The following CCSER1 variants were observed in gnomAD, a reference collection of about 807,000 sequenced individuals.
The protein encoded by CCSER1 is serine-rich coiled-coil domain-containing protein 1.
Under a neutral mutation model 82.0 loss-of-function variants are expected in CCSER1, and 41 were observed. That is an observed-to-expected ratio of 0.50 (90% CI 0.39 to 0.65). CCSER1 has a LOEUF of 0.65. Among genes scored for constraint, CCSER1 ranks in the 30% least tolerant of loss-of-function variants. CCSER1 has a pLI of 0.00. For synonymous variants in CCSER1, 414 were observed against 383.9 expected (o/e 1.08, Z -0.92); for missense variants, 1,119 against 1,064.2 (o/e 1.05, Z -0.72).
intron 10 of CCSER1, among the ~76,000 whole-genome samples, chr4:91,418,303 T>TTAAAAA (rs377360118): frequency 1.8e-5 from 2 of 113,638 alleles, no homozygotes; most frequent in African/African-American, 3.6e-5. Flanking sequence ...ATTTTTTAAT[T>TTAAAAA]AAAAAAAAAA....
In CCSER1 at chr4:90,871,339, C is replaced by T. The variant is rs543701159; in HGVS notation, c.2095-52031C>T. ...TACATTTTTCTCTTAGTACTTCTTG[C>T]GCTGTATCCCATAGATGTTGGTATG... On this transcript the variant is annotated intron_variant, in intron 8 of 10. Transcript: ENST00000509176. 2.7e-4 allele frequency among the ~76,000 whole-genome samples: 41 copies of T among 151,718 alleles called. No homozygotes were observed. In the South Asian group the frequency reaches 6.4e-3, roughly 24 times the overall value.
At chr4:90,272,567 G>T (rs1038467907) in intron 1 of CCSER1, among the ~76,000 whole-genome samples, 4 of 152,064 alleles carry the variant, frequency 2.6e-5, no homozygotes, top group African/African-American at 9.7e-5. Flanking sequence ...GTATATTATT[G>T]AAATAAAAGA....
At position 90,862,303 on chromosome 4, in the gene CCSER1, A is replaced by G. The variant is rs142777958; in HGVS notation, c.2094+46458A>G. On this transcript the variant is annotated intron_variant, in intron 8 of 10. Coordinates refer to ENST00000509176, the MANE Select transcript of CCSER1 (RefSeq NM_001145065.2). ...CTGGTACTGTGTCCCCAAGACTAGTAAATAATTATGTACGTTAGAAACAAC... is the reference window on the plus strand; with the variant it reads ...CTGGTACTGTGTCCCCAAGACTAGTGAATAATTATGTACGTTAGAAACAAC... Among the ~76,000 whole-genome samples, 1,504 of 152,066 alleles carry G rather than the reference A, an allele frequency of 9.9e-3. 29 individuals carry two copies. The highest frequency in any genetic ancestry group is 0.035 in the African/African-American group (1,438 of 41,536).
rs376893596 is a variant in CCSER1 at position 90,665,948 on chromosome 4, T to C, written c.1932+37716T>C. 3.9e-5 allele frequency among the ~76,000 whole-genome samples: 6 copies of C among 152,282 alleles called. No individual in the cohort carries two copies. The South Asian group carries it at 1.2e-3, about 32-fold the overall frequency. On this transcript the variant is annotated intron_variant, in intron 6 of 10. Transcript: ENST00000509176. ...CTGTTTCCATGCTCATTCAGGTTGT[T>C]GGCATAATTCATTTCCTTGTTGCTG...
Position 91,529,040 on chromosome 4 carries a change from A to G in CCSER1, c.2218-69532A>G, listed in dbSNP as rs554254271. Among the ~76,000 whole-genome samples the G allele has an allele frequency of 2.4e-4, 37 of 152,246 alleles. No individual in the cohort carries two copies. The South Asian group carries it at 7.0e-3, about 29-fold the overall frequency. On this transcript the variant is annotated intron_variant, in intron 10 of 10. Transcript: ENST00000509176. Reference sequence around the variant, plus strand: ...TAAAATGTGACCAATTTTGTTTCTCAATGCTTTTGTTTCTCAGTGCTTTGC... The same window carrying G: ...TAAAATGTGACCAATTTTGTTTCTCGATGCTTTTGTTTCTCAGTGCTTTGC...
At chr4:90,706,333 C>T (rs1019437195) in intron 6 of CCSER1, among the ~76,000 whole-genome samples, 1 of 152,130 alleles carries the variant, frequency 6.6e-6, no homozygotes, top group Non-Finnish European at 1.5e-5. Flanking sequence ...GTAATCCCAG[C>T]ACTTTTGGAG....
chr4:90,876,356 G>A lies in CCSER1; in HGVS notation c.2095-47014G>A, dbSNP rs368860553. Reference sequence around the variant, plus strand: ...ATATTATTTTTGAAGCAATTCACAAGCTAAAATAATCTGTTAGTTAAGATC... The same window carrying A: ...ATATTATTTTTGAAGCAATTCACAAACTAAAATAATCTGTTAGTTAAGATC... On this transcript the variant is annotated intron_variant, in intron 8 of 10. Coordinates refer to ENST00000509176, the MANE Select transcript of CCSER1 (RefSeq NM_001145065.2). 2.0e-4 allele frequency among the ~76,000 whole-genome samples: 30 copies of A among 152,112 alleles called. No individual in the cohort carries two copies. The South Asian group carries it at 6.0e-3, about 31-fold the overall frequency.
chr4:90,597,755 G>A (rs769629582), intron 5 of CCSER1, among the ~76,000 whole-genome samples: 21 of 151,870 alleles, frequency 1.4e-4, no homozygotes, highest in Non-Finnish European at 2.9e-4. Context: ...TAGATATCTA[G>A]GCTTGTTAAT....
At chr4:90,268,924 T>A (rs527804557) in intron 1 of CCSER1, among the ~76,000 whole-genome samples, 1 of 152,170 alleles carries the variant, frequency 6.6e-6, no homozygotes, top group South Asian at 2.1e-4. Flanking sequence ...AATAGATTTC[T>A]AAACAAAGAC....
chr4:90,205,540 A>T (rs543270684), intron 1 of CCSER1, among the ~76,000 whole-genome samples: 1 of 152,140 alleles, frequency 6.6e-6, no homozygotes, highest in African/African-American at 2.4e-5. Flanking sequence ...CATCCCAGGG[A>T]TGAAGCCTAC....
At chr4:91,217,231 G>C (rs1022594541) in intron 10 of CCSER1, among the ~76,000 whole-genome samples, 6 of 152,154 alleles carry the variant, frequency 3.9e-5, no homozygotes, top group South Asian at 4.1e-4. Context: ...AAAGGGACCC[G>C]AGCGGGTTGC....
At chr4:91,508,162 G>GTTTTTTTTTTTTTTTTTTTTTGT (rs139066436) in intron 10 of CCSER1, among the ~76,000 whole-genome samples, 3 of 97,654 alleles carry the variant, frequency 3.1e-5, no homozygotes, top group African/African-American at 7.9e-5. Flanking sequence ...TTTTTTCTGG[G>GTTTTTTTTTTTTTTTTTTTTTGT]TTTTTTTTTT....
At chr4:91,052,484 C>T (rs991191814) in intron 9 of CCSER1, among the ~76,000 whole-genome samples, 1 of 151,980 alleles carries the variant, frequency 6.6e-6, no homozygotes, top group African/African-American at 2.4e-5. Flanking sequence ...TATGTCATCC[C>T]GTCTATGATC....
In CCSER1 at chr4:90,581,502, A is replaced by ATG. The variant is rs1781411554; in HGVS notation, c.1725-46513_1725-46512dup. ...GCAAGTTTATACATAGTTAAGGGGTATGTGTGTGTGTTTGTGTGTGTATCT... is the reference window on the plus strand; with the variant it reads ...GCAAGTTTATACATAGTTAAGGGGTATGTGTGTGTGTGTTTGTGTGTGTATCT... On this transcript the variant is annotated intron_variant, in intron 5 of 10. Transcript: ENST00000509176. Among the ~76,000 whole-genome samples the ATG allele has an allele frequency of 2.0e-5, 3 of 152,068 alleles. No individual in the cohort carries two copies. The South Asian group carries it at 6.2e-4, about 32-fold the overall frequency.
At chr4:90,557,620 G>A (rs533566142) in intron 5 of CCSER1, among the ~76,000 whole-genome samples, 1 of 152,120 alleles carries the variant, frequency 6.6e-6, no homozygotes, top group South Asian at 2.1e-4. Flanking sequence ...TACCACTACT[G>A]ACTTTGTAGA....
intron 5 of CCSER1, among the ~76,000 whole-genome samples, chr4:90,491,554 T>C (rs1452759681): frequency 6.6e-6 from 1 of 152,196 alleles, no homozygotes; most frequent in African/African-American, 2.4e-5. Flanking sequence ...CAACACTATG[T>C]TGAATAGGAG....
At chr4:90,214,332 G>T (rs1740622174) in intron 1 of CCSER1, among the ~76,000 whole-genome samples, 1 of 152,100 alleles carries the variant, frequency 6.6e-6, no homozygotes, top group Non-Finnish European at 1.5e-5. Flanking sequence ...TGAGAGTGAG[G>T]ATAATAGGAG....
intron 4 of CCSER1, among the ~76,000 whole-genome samples, chr4:90,410,233 G>A (rs1196759078): frequency 1.3e-5 from 2 of 152,260 alleles, no homozygotes; most frequent in Middle Eastern, 3.4e-3. Context: ...GAGACAGAAA[G>A]TTAGCAAGGA....
intron 7 of CCSER1, among the ~76,000 whole-genome samples, chr4:90,766,072 C>CTG (rs1751174038): frequency 6.6e-6 from 1 of 151,628 alleles, no homozygotes; most frequent in Admixed American, 6.6e-5. Flanking sequence ...GTGTATGTGT[C>CTG]TGTGTGTGTG....
Sources: gnomAD v4.1 joint callset for allele counts (sites outside exome capture counted in the v4.1 genomes callset) on GRCh38, gnomAD v4.1.1 for gene constraint, MANE v1.5 for transcripts, NCBI Gene and HGNC (gene_info 2026-07-23, HGNC 2026-07-21) for gene names.